The following COL25A1 variants were observed in gnomAD, a reference collection of about 807,000 sequenced individuals.
COL25A1 encodes collagen type XXV alpha 1 chain.
Under a neutral mutation model 128.4 loss-of-function variants are expected in COL25A1, and 103 were observed. The observed-to-expected ratio is 0.80, with a 90% CI of 0.68 to 0.94. The LOEUF is 0.94. COL25A1 is among the 40% of genes least tolerant of loss of function. The probability of loss-of-function intolerance (pLI) is 0.00; values close to 1 mark genes in which losing one functional copy is unlikely to be tolerated. For missense variants in COL25A1, 745 were observed against 840.0 expected (o/e 0.89, Z 1.40); for synonymous variants, 279 against 277.2 (o/e 1.01, Z -0.06).
chr4:108,904,758 C>T (rs1213296142), intron 13 of COL25A1, among the ~76,000 whole-genome samples: 1 of 152,088 alleles, frequency 6.6e-6, no homozygotes, highest in Non-Finnish European at 1.5e-5. Flanking sequence ...CAGCAGCTAA[C>T]ATCTTAACCA....
rs144737959 is a variant in COL25A1 at position 108,865,329 on chromosome 4, G to T, written c.1084-1942C>A. Among the ~76,000 whole-genome samples the T allele has an allele frequency of 7.1e-3, 1,082 of 152,260 alleles. 15 individuals are homozygous for T. The highest frequency in any genetic ancestry group is 0.011 in the Non-Finnish European group (765 of 68,016). ...ATTCCAAGATTCTTATCTGTATCATGCCCACTTTGGGAAGCCTTTGTGGTT... is the reference window on the plus strand; with the variant it reads ...ATTCCAAGATTCTTATCTGTATCATTCCCACTTTGGGAAGCCTTTGTGGTT... On this transcript the variant is annotated intron_variant, in intron 20 of 37. Transcript: ENST00000399132.
intron 6 of COL25A1, among the ~76,000 whole-genome samples, chr4:109,007,508 G>A (rs764512444): frequency 5.3e-5 from 8 of 152,014 alleles, no homozygotes; most frequent in Non-Finnish European, 8.8e-5. Context: ...GAAAGATCAC[G>A]TGAGGGTATG....
chr4:109,238,199 T>C (rs1329658728), intron 3 of COL25A1, among the ~76,000 whole-genome samples: 1 of 152,096 alleles, frequency 6.6e-6, no homozygotes, highest in African/African-American at 2.4e-5. Flanking sequence ...TGCTGGATCT[T>C]ATGGTAATTC....
intron 5 of COL25A1, chr4:109,021,838 G>C: frequency 2.3e-6 from 1 of 433,162 alleles, no homozygotes; most frequent in Non-Finnish European, 4.6e-6. Context: ...TAAGGACTGA[G>C]ATACACCCTG....
intron 3 of COL25A1, among the ~76,000 whole-genome samples, chr4:109,069,382 A>G (rs1762730652): frequency 6.6e-6 from 1 of 151,808 alleles, no homozygotes; most frequent in Non-Finnish European, 1.5e-5. Context: ...CAGCTGATTT[A>G]TTTTTATTTT....
chr4:109,282,713 T>C (rs748449212), intron 3 of COL25A1, among the ~76,000 whole-genome samples: 2 of 152,234 alleles, frequency 1.3e-5, no homozygotes, highest in Non-Finnish European at 2.9e-5. Flanking sequence ...TAATGTGCCA[T>C]TTAGCTGTTC....
intron 24 of COL25A1, among the ~76,000 whole-genome samples, chr4:108,859,218 T>C (rs1393006914): frequency 1.3e-5 from 2 of 152,170 alleles, no homozygotes; most frequent in Non-Finnish European, 2.9e-5. Context: ...ATCCTCATTC[T>C]GTAGATGGGA....
intron 3 of COL25A1, among the ~76,000 whole-genome samples, chr4:109,261,843 G>A (rs879749336): frequency 2.5e-4 from 38 of 151,724 alleles, no homozygotes; most frequent in Non-Finnish European, 4.1e-4. Flanking sequence ...GACTACAGGC[G>A]CCTGCCACCA....
chr4:109,238,499 G>C lies in COL25A1; in HGVS notation c.367+62084C>G, dbSNP rs529439689. Among the ~76,000 whole-genome samples, 5 of 152,136 alleles carry C rather than the reference G, an allele frequency of 3.3e-5. No homozygotes were observed. The South Asian group carries it at 1.0e-3, about 32-fold the overall frequency. ...GTGCTTGAGGGCTTACTGCATGTGA[G>C]GCTCTGTAGACTAGTATTAATGAAC... On this transcript the variant is annotated intron_variant, in intron 3 of 37. Coordinates refer to ENST00000399132, the MANE Select transcript of COL25A1 (RefSeq NM_198721.4).
At chr4:109,040,857 T>C (rs1001958166) in intron 5 of COL25A1, among the ~76,000 whole-genome samples, 1 of 152,238 alleles carries the variant, frequency 6.6e-6, no homozygotes, top group African/African-American at 2.4e-5. Flanking sequence ...TTTTGGTTTT[T>C]TATTTTTTAA....
intron 3 of COL25A1, among the ~76,000 whole-genome samples, chr4:109,274,553 T>A (rs1168431710): frequency 6.6e-6 from 1 of 152,166 alleles, no homozygotes; most frequent in Admixed American, 6.5e-5. Flanking sequence ...TATGCCAAAA[T>A]ATCCCAAAGA....
At chr4:109,180,722 C>A (rs1448991471) in intron 3 of COL25A1, among the ~76,000 whole-genome samples, 1 of 151,948 alleles carries the variant, frequency 6.6e-6, no homozygotes, top group Non-Finnish European at 1.5e-5. Flanking sequence ...AAGCTTCAAA[C>A]CTACAGTTTT....
intron 3 of COL25A1, among the ~76,000 whole-genome samples, chr4:109,097,662 A>AT (rs780098779): frequency 0.086 from 10,770 of 124,582 alleles, 645 homozygotes; most frequent in African/African-American, 0.12. Flanking sequence ...GTAAACATCA[A>AT]TTTTTTTTTT....
chr4:108,927,103 A>G (rs1196198023), intron 11 of COL25A1, among the ~76,000 whole-genome samples: 1 of 152,118 alleles, frequency 6.6e-6, no homozygotes, highest in Non-Finnish European at 1.5e-5. Flanking sequence ...TATTTTCCCA[A>G]GAAGTCCATA....
chr4:108,907,519 C>T (rs1326156593), intron 13 of COL25A1, among the ~76,000 whole-genome samples: 1 of 152,210 alleles, frequency 6.6e-6, no homozygotes, highest in Non-Finnish European at 1.5e-5. Flanking sequence ...TCCATGAACT[C>T]ACTAACATCT....
intron 6 of COL25A1, among the ~76,000 whole-genome samples, chr4:109,000,753 AAAAAAAAAAAAAAAAG>A (rs1333482042): frequency 7.1e-5 from 10 of 141,500 alleles, no homozygotes; most frequent in South Asian, 4.8e-4. Flanking sequence ...CAAAAAAAAA[AAAAAAAAAAAAAAAAG>A]AAAAAACTAT....
Position 108,844,511 on chromosome 4 carries a change from A to C in COL25A1, c.1629+8T>G. 6.2e-7 allele frequency: 1 copy of C among 1,614,120 alleles called. No individual in the cohort carries two copies. Among genetic ancestry groups the C allele is most frequent in the Non-Finnish European group, 8.5e-7 (1 of 1,179,978 alleles). ...AGCAATTACATTTCAGAAAGAAGGG[A>C]AACTTACCATGGGGCCAGGTGGGCC... On this transcript the variant is annotated splice_region_variant and intron_variant, in intron 30 of 37. Coordinates refer to ENST00000399132, the MANE Select transcript of COL25A1 (RefSeq NM_198721.4).
At position 109,282,381 on chromosome 4, in the gene COL25A1, C is replaced by T. The variant is rs536277380; in HGVS notation, c.367+18202G>A. Among the ~76,000 whole-genome samples, 2 of 152,224 alleles carry T rather than the reference C, an allele frequency of 1.3e-5. 1 individual carries two copies. The highest frequency in any genetic ancestry group is 4.1e-4 in the South Asian group (2 of 4,822). On this transcript the variant is annotated intron_variant, in intron 3 of 37. Transcript: ENST00000399132. Reference sequence around the variant, plus strand: ...TCTTAGATAACTACAATGTTTTCCCCTCTATGGCACAAAAATGGAGCCAGT... The same window carrying T: ...TCTTAGATAACTACAATGTTTTCCCTTCTATGGCACAAAAATGGAGCCAGT...
chr4:108,882,377 G>T (rs1434745833), intron 19 of COL25A1, among the ~76,000 whole-genome samples: 1 of 151,782 alleles, frequency 6.6e-6, no homozygotes, highest in East Asian at 1.9e-4. Context: ...AAGCACGGAG[G>T]TTCCTGCAAG....
Sources: gnomAD v4.1 joint callset for allele counts (sites outside exome capture counted in the v4.1 genomes callset) on GRCh38, gnomAD v4.1.1 for gene constraint, MANE v1.5 for transcripts, NCBI Gene and HGNC (gene_info 2026-07-23, HGNC 2026-07-21) for gene names.